The following SEMA5A variants were observed in gnomAD, a reference collection of about 807,000 sequenced individuals.
SEMA5A encodes semaphorin 5A, also known as semaphorin-5A.
In SEMA5A, 55 loss-of-function variants were observed where a neutral mutation model predicts 135.5. The observed-to-expected ratio is 0.41, with a 90% CI of 0.33 to 0.51. The LOEUF is 0.51. SEMA5A is among the 20% of genes least tolerant of loss of function. The pLI, the probability that SEMA5A is intolerant of heterozygous loss-of-function variation, is 0.37. For synonymous variants in SEMA5A, 580 were observed against 546.5 expected (o/e 1.06, Z -0.85); for missense variants, 1,290 against 1,419.9 (o/e 0.91, Z 1.47).
At chr5:9,421,954 A>C (rs956099516) in intron 2 of SEMA5A, among the ~76,000 whole-genome samples, 4 of 152,204 alleles carry the variant, frequency 2.6e-5, no homozygotes, top group Admixed American at 6.5e-5. Flanking sequence ...ATCTAATGTT[A>C]GACTTTTTAG....
intron 2 of SEMA5A, among the ~76,000 whole-genome samples, chr5:9,413,859 C>T (rs957766466): frequency 4.6e-5 from 7 of 152,156 alleles, no homozygotes; most frequent in Non-Finnish European, 1.0e-4. Flanking sequence ...TTGAGTTTCC[C>T]TCAAAGCCTA....
intron 3 of SEMA5A, among the ~76,000 whole-genome samples, chr5:9,342,587 A>G (rs1046831421): frequency 2.6e-5 from 4 of 152,192 alleles, no homozygotes; most frequent in Admixed American, 2.6e-4. Flanking sequence ...CATAACACAC[A>G]TAAGTACAGT....
chr5:9,329,432 C>G (rs1474845055), intron 4 of SEMA5A, among the ~76,000 whole-genome samples: 1 of 152,208 alleles, frequency 6.6e-6, no homozygotes, highest in African/African-American at 2.4e-5. Flanking sequence ...GGGGCCCCAG[C>G]TTGCCAACCC....
intron 4 of SEMA5A, among the ~76,000 whole-genome samples, chr5:9,322,187 C>T (rs1234192550): frequency 6.6e-6 from 1 of 152,164 alleles, no homozygotes; most frequent in East Asian, 1.9e-4. Context: ...CTCTTCTGAT[C>T]ATTATTTTTC....
At chr5:9,488,998 G>A (rs1336531214) in intron 1 of SEMA5A, among the ~76,000 whole-genome samples, 1 of 152,082 alleles carries the variant, frequency 6.6e-6, no homozygotes. Context: ...TTACTTTGTG[G>A]TTACCTCCAG....
intron 1 of SEMA5A, among the ~76,000 whole-genome samples, chr5:9,488,430 C>T (rs1345840450): frequency 6.6e-6 from 1 of 152,166 alleles, no homozygotes; most frequent in Admixed American, 6.5e-5. Context: ...CACATGTAAG[C>T]TTCTTGTGAA....
Position 9,214,535 on chromosome 5 carries a change from AT to A in SEMA5A, c.646+10138del, listed in dbSNP as rs570189469. ...GCAGGTTTTTAGAACCATACCAGATATTTATGATGGGTTTCTGCAAGATGTG... is the reference window on the plus strand; with the variant it reads ...GCAGGTTTTTAGAACCATACCAGATATTATGATGGGTTTCTGCAAGATGTG... On this transcript the variant is annotated intron_variant, in intron 8 of 22. Transcript: ENST00000382496. 3.3e-5 allele frequency among the ~76,000 whole-genome samples: 5 copies of A among 152,348 alleles called. No homozygotes were observed. The South Asian group carries it at 1.0e-3, about 32-fold the overall frequency.
intron 5 of SEMA5A, among the ~76,000 whole-genome samples, chr5:9,285,224 G>A (rs539362549): frequency 6.6e-6 from 1 of 152,236 alleles, no homozygotes; most frequent in Admixed American, 6.5e-5. Context: ...GTTACAAAAT[G>A]TTCCTGTGTG....
intron 16 of SEMA5A, among the ~76,000 whole-genome samples, chr5:9,085,815 A>T (rs1315913697): frequency 6.6e-6 from 1 of 152,116 alleles, no homozygotes; most frequent in Non-Finnish European, 1.5e-5. Flanking sequence ...TGCACCATGC[A>T]CCCGGAAAAG....
chr5:9,212,788 G>A (rs62341021), intron 8 of SEMA5A, among the ~76,000 whole-genome samples: 2 of 152,166 alleles, frequency 1.3e-5, no homozygotes, highest in South Asian at 2.1e-4. Flanking sequence ...GTAAGATGCT[G>A]AGCACATAAA....
chr5:9,325,292 C>T (rs990801521), intron 4 of SEMA5A, among the ~76,000 whole-genome samples: 3 of 151,348 alleles, frequency 2.0e-5, no homozygotes, highest in Non-Finnish European at 4.4e-5. Context: ...TGCACATTCA[C>T]GTGCAATAAA....
chr5:9,405,568 G>C (rs1181698158), intron 2 of SEMA5A, among the ~76,000 whole-genome samples: 1 of 152,062 alleles, frequency 6.6e-6, no homozygotes, highest in Non-Finnish European at 1.5e-5. Context: ...AAAAGTCTTG[G>C]CAAAGTAACT....
At chr5:9,330,670 A>G (rs1753092416) in intron 4 of SEMA5A, among the ~76,000 whole-genome samples, 1 of 152,184 alleles carries the variant, frequency 6.6e-6, no homozygotes, top group South Asian at 2.1e-4. Context: ...GACAACAAGG[A>G]GACTTTTTAA....
intron 5 of SEMA5A, among the ~76,000 whole-genome samples, chr5:9,286,165 C>A (rs1028913611): frequency 4.6e-5 from 7 of 152,058 alleles, no homozygotes; most frequent in African/African-American, 1.7e-4. Context: ...ACTAAATATA[C>A]TTGCTAAGAT....
At chr5:9,082,588 G>T (rs961908657) in intron 16 of SEMA5A, among the ~76,000 whole-genome samples, 1 of 152,142 alleles carries the variant, frequency 6.6e-6, no homozygotes, top group African/African-American at 2.4e-5. Context: ...CCTTAACCTA[G>T]TTCCTCCACT....
chr5:9,388,947 T>C (rs886417454), intron 2 of SEMA5A, among the ~76,000 whole-genome samples: 1 of 151,972 alleles, frequency 6.6e-6, no homozygotes, highest in African/African-American at 2.4e-5. Flanking sequence ...AGCACCATTT[T>C]CTCTTTCGTC....
intron 3 of SEMA5A, among the ~76,000 whole-genome samples, chr5:9,378,572 T>G (rs112106796): frequency 1.3e-5 from 2 of 152,178 alleles, no homozygotes; most frequent in Non-Finnish European, 2.9e-5. Flanking sequence ...AGAGGAATAT[T>G]TGAAGCACAC....
intron 1 of SEMA5A, among the ~76,000 whole-genome samples, chr5:9,456,199 C>T (rs1178820900): frequency 1.3e-5 from 2 of 152,202 alleles, no homozygotes; most frequent in Non-Finnish European, 2.9e-5. Flanking sequence ...GTGGCTTGAG[C>T]CACTTGCTAC....
intron 16 of SEMA5A, among the ~76,000 whole-genome samples, chr5:9,073,940 T>C (rs1737907644): frequency 6.6e-6 from 1 of 152,124 alleles, no homozygotes; most frequent in South Asian, 2.1e-4. Flanking sequence ...GGAAATGGAA[T>C]CACTACAATC....
Sources: allele counts gnomAD v4.1 joint callset (sites outside exome capture counted in the v4.1 genomes callset), GRCh38; gene constraint gnomAD v4.1.1; transcripts MANE v1.5; gene names NCBI Gene and HGNC (gene_info 2026-07-23, HGNC 2026-07-21).